The following CYP2C8 variants were observed in gnomAD, a reference collection of about 807,000 sequenced individuals.
The protein encoded by CYP2C8 is cytochrome P450 2C8.
A neutral mutation model predicts 41.3 loss-of-function variants in CYP2C8; 51 were observed. The ratio of observed to expected loss-of-function variants is 1.24; its 90% CI spans 0.99 to 1.56. CYP2C8 has a LOEUF of 1.56. Ranked by LOEUF, CYP2C8 falls within the 40% of genes most tolerant of loss-of-function variation. The probability of loss-of-function intolerance (pLI) is 0.00; values close to 1 mark genes in which losing one functional copy is unlikely to be tolerated. For synonymous variants in CYP2C8, 218 were observed against 205.8 expected (o/e 1.06, Z -0.51); for missense variants, 651 against 579.9 (o/e 1.12, Z -1.26).
At chr10:95,051,856 A>G (rs112281230) in intron 5 of CYP2C8, among the ~76,000 whole-genome samples, 6,990 of 152,248 alleles carry the variant, frequency 0.046, 167 homozygotes, top group Middle Eastern at 0.1. Context: ...AGTGTCAACT[A>G]TCAAAATAGA....
intron 5 of CYP2C8, among the ~76,000 whole-genome samples, chr10:95,053,998 A>G (rs2033262638): frequency 1.3e-5 from 2 of 152,168 alleles, no homozygotes; most frequent in Non-Finnish European, 2.9e-5. Context: ...TGTATTTATA[A>G]AAATTCCAAA....
At chr10:95,055,900 A>T (rs1436635315) in intron 5 of CYP2C8, among the ~76,000 whole-genome samples, 1 of 152,028 alleles carries the variant, frequency 6.6e-6, no homozygotes, top group Non-Finnish European at 1.5e-5. Context: ...AGACCAGCCT[A>T]GGAAACATGG....
intron 4 of CYP2C8, among the ~76,000 whole-genome samples, chr10:95,061,131 G>C (rs2033419304): frequency 6.6e-6 from 1 of 152,182 alleles, no homozygotes; most frequent in African/African-American, 2.4e-5. Context: ...GCCAGGCTTT[G>C]TTATCAGGAT....
intron 5 of CYP2C8, among the ~76,000 whole-genome samples, chr10:95,056,206 C>T (rs1278144889): frequency 6.6e-6 from 1 of 151,984 alleles, no homozygotes; most frequent in Non-Finnish European, 1.5e-5. Flanking sequence ...AAGTCAAAAC[C>T]ACAATGAAAT....
At chr10:95,062,812 G>A (rs1186319621) in intron 4 of CYP2C8, among the ~76,000 whole-genome samples, 3 of 152,086 alleles carry the variant, frequency 2.0e-5, no homozygotes, top group African/African-American at 4.8e-5. Flanking sequence ...CTTCCTTCAG[G>A]AGCTCTTTTA....
intron 5 of CYP2C8, among the ~76,000 whole-genome samples, chr10:95,051,395 T>C (rs977632450): frequency 6.6e-6 from 1 of 152,082 alleles, no homozygotes; most frequent in Non-Finnish European, 1.5e-5. Context: ...CTAAGAGTTA[T>C]TGGCCTTAAA....
intron 5 of CYP2C8, among the ~76,000 whole-genome samples, chr10:95,057,359 C>T (rs964398872): frequency 3.3e-5 from 5 of 152,110 alleles, no homozygotes; most frequent in African/African-American, 9.7e-5. Flanking sequence ...ATATGAATTT[C>T]ATCTCAATAT....
At chr10:95,037,607 T>C (rs964360093) in intron 8 of CYP2C8, among the ~76,000 whole-genome samples, 1 of 152,256 alleles carries the variant, frequency 6.6e-6, no homozygotes, top group Non-Finnish European at 1.5e-5. Flanking sequence ...CATTTCTTTA[T>C]TTATTCCCAC....
chr10:95,057,849 C>A (rs1261441480), intron 5 of CYP2C8, among the ~76,000 whole-genome samples: 1 of 152,182 alleles, frequency 6.6e-6, no homozygotes, highest in African/African-American at 2.4e-5. Context: ...TCCACCAACT[C>A]TTTCCCACCA....
intron 6 of CYP2C8, among the ~76,000 whole-genome samples, chr10:95,045,115 T>G (rs1354935355): frequency 6.6e-6 from 1 of 152,260 alleles, no homozygotes; most frequent in African/African-American, 2.4e-5. Context: ...CAGGAACTAT[T>G]TAAATGTAAA....
At chr10:95,060,569 T>G (rs933625888) in intron 4 of CYP2C8, among the ~76,000 whole-genome samples, 1 of 152,194 alleles carries the variant, frequency 6.6e-6, no homozygotes, top group Non-Finnish European at 1.5e-5. Flanking sequence ...TTTCTAGATA[T>G]ACAGTCATGT....
intron 5 of CYP2C8, among the ~76,000 whole-genome samples, chr10:95,049,295 G>A (rs1171184455): frequency 2.0e-5 from 3 of 152,088 alleles, no homozygotes; most frequent in Admixed American, 2.0e-4. Flanking sequence ...ACCTTCATAA[G>A]AACCAAAATC....
At chr10:95,066,153 A>AGAGTGTGTGTGTGT (rs1342809282) in intron 3 of CYP2C8, among the ~76,000 whole-genome samples, 1 of 88,286 alleles carries the variant, frequency 1.1e-5, no homozygotes, top group African/African-American at 4.5e-5. Flanking sequence ...AGAGAGAGAG[A>AGAGTGTGTGTGTGT]GTGTGTGTGT....
In CYP2C8 at chr10:95,043,054, G is replaced by A. The variant is rs1323706553; in HGVS notation, c.985C>T (p.His329Tyr). ...VTAKVQEEIDHVIGRHRSPCM... is the reference protein window; with the variant it reads ...VTAKVQEEIDYVIGRHRSPCM... Reference sequence around the variant, plus strand: ...GGGCTCCTGTGTCTGCCAATTACATGATCAATCTCTTCCTGGACTTTAGCT... The same window carrying A: ...GGGCTCCTGTGTCTGCCAATTACATAATCAATCTCTTCCTGGACTTTAGCT... Residue 329 changes from histidine (H) to tyrosine (Y), a missense_variant, in exon 7 of 9, where the codon CAT becomes TAT. Coordinates refer to ENST00000371270, the MANE Select transcript of CYP2C8 (RefSeq NM_000770.3). 18 of 1,614,056 alleles carry A rather than the reference G, an allele frequency of 1.1e-5. No homozygotes were observed. Among genetic ancestry groups the A allele is most frequent in the Non-Finnish European group, 1.3e-5 (15 of 1,180,036 alleles).
At chr10:95,040,789 T>G in intron 7 of CYP2C8, 1 of 377,634 alleles carries the variant, frequency 2.6e-6, no homozygotes, top group Non-Finnish European at 5.2e-6. Flanking sequence ...TTCTGCATTT[T>G]TTCATATATA....
intron 4 of CYP2C8, among the ~76,000 whole-genome samples, chr10:95,060,393 CT>C (rs1461929719): frequency 6.6e-6 from 1 of 152,022 alleles, no homozygotes; most frequent in African/African-American, 2.4e-5. Flanking sequence ...GTATTTTATT[CT>C]CTTTGAAGCA....
intron 1 of CYP2C8, among the ~76,000 whole-genome samples, chr10:95,068,382 A>T (rs574229356): frequency 5.3e-5 from 8 of 152,322 alleles, no homozygotes; most frequent in African/African-American, 1.9e-4. Flanking sequence ...TTTCTTCAGA[A>T]TCCAAAAGAA....
intron 4 of CYP2C8, among the ~76,000 whole-genome samples, chr10:95,062,165 G>T (rs949231413): frequency 2.0e-5 from 3 of 152,262 alleles, no homozygotes; most frequent in African/African-American, 7.2e-5. Flanking sequence ...TCCGCTTGGT[G>T]CAGAGCTGAG....
intron 4 of CYP2C8, among the ~76,000 whole-genome samples, chr10:95,064,214 C>A (rs2033505679): frequency 6.6e-6 from 1 of 152,170 alleles, no homozygotes; most frequent in South Asian, 2.1e-4. Flanking sequence ...TCAGCTATGC[C>A]CTGCCCCGAG....
Sources: gnomAD v4.1 joint callset for allele counts (sites outside exome capture counted in the v4.1 genomes callset) on GRCh38, gnomAD v4.1.1 for gene constraint, MANE v1.5 for transcripts, NCBI Gene and HGNC (gene_info 2026-07-23, HGNC 2026-07-21) for gene names.